The following KCNMA1 variants were observed in gnomAD, a reference collection of about 807,000 sequenced individuals.
The protein encoded by KCNMA1 is potassium calcium-activated channel subfamily M alpha 1.
In KCNMA1, 29 loss-of-function variants were observed where a neutral mutation model predicts 140.0. The observed-to-expected ratio is 0.21, with a 90% CI of 0.15 to 0.28. KCNMA1 has a LOEUF of 0.28. KCNMA1 is among the 10% of genes least tolerant of loss of function. The pLI, the probability that KCNMA1 is intolerant of heterozygous loss-of-function variation, is 1.00. For synonymous variants in KCNMA1, 612 were observed against 611.9 expected (o/e 1.00, Z 0.00); for missense variants, 880 against 1,602.2 (o/e 0.55, Z 7.70).
intron 6 of KCNMA1, among the ~76,000 whole-genome samples, chr10:77,120,054 A>G (rs1317173364): frequency 1.3e-5 from 2 of 152,226 alleles, no homozygotes; most frequent in African/African-American, 2.4e-5. Flanking sequence ...AACTACAGAT[A>G]TATTAATTAC....
intron 5 of KCNMA1, among the ~76,000 whole-genome samples, chr10:77,160,592 C>T (rs893418648): frequency 2.6e-5 from 4 of 152,226 alleles, no homozygotes; most frequent in Non-Finnish European, 5.9e-5. Flanking sequence ...CTAAGTCTAG[C>T]CCAGGCTATG....
chr10:77,177,996 A>C (rs1262207442), intron 5 of KCNMA1, among the ~76,000 whole-genome samples: 1 of 149,928 alleles, frequency 6.7e-6, no homozygotes, highest in Non-Finnish European at 1.5e-5. Context: ...TTCTGACACA[A>C]AAAAAGGACT....
intron 5 of KCNMA1, among the ~76,000 whole-genome samples, chr10:77,123,462 G>A (rs1194319281): frequency 2.0e-5 from 3 of 152,168 alleles, no homozygotes. Context: ...AGACTCTACT[G>A]CTGGTCCTAA....
chr10:77,410,212 G>A (rs991668704), intron 1 of KCNMA1, among the ~76,000 whole-genome samples: 8 of 152,182 alleles, frequency 5.3e-5, no homozygotes, highest in Non-Finnish European at 1.2e-4. Flanking sequence ...CTCAGCAGGT[G>A]ACCTGTCATG....
chr10:76,982,839 G>C (rs2079977743), intron 19 of KCNMA1, among the ~76,000 whole-genome samples: 1 of 152,198 alleles, frequency 6.6e-6, no homozygotes, highest in Non-Finnish European at 1.5e-5. Flanking sequence ...ACACATTCAT[G>C]CATGGAAATA....
At chr10:76,994,995 C>T (rs906789934) in intron 19 of KCNMA1, among the ~76,000 whole-genome samples, 1 of 152,184 alleles carries the variant, frequency 6.6e-6, no homozygotes, top group Non-Finnish European at 1.5e-5. Context: ...CACTGCCCCA[C>T]AAGCCTCTCT....
chr10:77,237,709 G>A (rs369845403), intron 3 of KCNMA1, among the ~76,000 whole-genome samples: 5 of 152,042 alleles, frequency 3.3e-5, no homozygotes, highest in African/African-American at 7.2e-5. Flanking sequence ...TACCTCATGT[G>A]AGCCACCCTG....
At chr10:77,251,338 T>C in intron 2 of KCNMA1, 82 bp from the exon 3 acceptor site, 1 of 1,056,402 alleles carries the variant, frequency 9.5e-7, no homozygotes. Context: ...CGAAGCAGCT[T>C]TGAAATACGG....
At chr10:77,631,105 CCAAAAAAAAA>C (rs796303692) in intron 1 of KCNMA1, among the ~76,000 whole-genome samples, 5,414 of 90,532 alleles carry the variant, frequency 0.06, 417 homozygotes, top group African/African-American at 0.21. Context: ...AGACCCTGTC[CCAAAAAAAAA>C]AAAAAAAAAA....
chr10:77,032,103 C>G (rs2093976869), intron 15 of KCNMA1, among the ~76,000 whole-genome samples: 1 of 152,106 alleles, frequency 6.6e-6, no homozygotes. Flanking sequence ...TTTTTGCCTT[C>G]AATCCACAAT....
At chr10:77,243,205 C>CACACCAT (rs1205179984) in intron 3 of KCNMA1, among the ~76,000 whole-genome samples, 1 of 151,904 alleles carries the variant, frequency 6.6e-6, no homozygotes, top group African/African-American at 2.4e-5. Flanking sequence ...CCACACACCA[C>CACACCAT]ACCACACCCC....
At chr10:76,961,848 T>C (rs577214306) in intron 20 of KCNMA1, among the ~76,000 whole-genome samples, 1 of 152,290 alleles carries the variant, frequency 6.6e-6, no homozygotes, top group South Asian at 2.1e-4. Flanking sequence ...TACAGAAGAG[T>C]GTAAACCTAA....
chr10:76,898,274 T>C (rs966285006), intron 25 of KCNMA1, among the ~76,000 whole-genome samples: 1 of 151,930 alleles, frequency 6.6e-6, no homozygotes, highest in Non-Finnish European at 1.5e-5. Context: ...GTTAATTTTA[T>C]ATTCATAGTT....
intron 1 of KCNMA1, 112 bp from the exon 2 acceptor site, chr10:77,404,135 G>T: frequency 1.0e-6 from 1 of 983,546 alleles, no homozygotes. Context: ...ATGGAAACTA[G>T]CTTAAAGGTA....
At chr10:77,447,643 C>A (rs1027608650) in intron 1 of KCNMA1, among the ~76,000 whole-genome samples, 1 of 152,184 alleles carries the variant, frequency 6.6e-6, no homozygotes. Context: ...AATCACACAG[C>A]ATGCTGGCTC....
At chr10:77,530,640 C>T (rs1156553360) in intron 1 of KCNMA1, among the ~76,000 whole-genome samples, 2 of 152,176 alleles carry the variant, frequency 1.3e-5, no homozygotes, top group Non-Finnish European at 2.9e-5. Context: ...CCAAACATTC[C>T]TTGTACCAGG....
chr10:76,922,557 C>A (rs1005993051), intron 23 of KCNMA1, among the ~76,000 whole-genome samples: 4 of 152,114 alleles, frequency 2.6e-5, no homozygotes, highest in African/African-American at 7.2e-5. Context: ...TCCGTATTCT[C>A]CCCAGGACAT....
chr10:77,013,266 T>C (rs978448955), intron 17 of KCNMA1, among the ~76,000 whole-genome samples: 2 of 152,186 alleles, frequency 1.3e-5, no homozygotes, highest in African/African-American at 4.8e-5. Flanking sequence ...GGACTCAGTG[T>C]CCTCATCTGT....
At chr10:77,004,213 CCACACACA>C (rs35789536) in intron 18 of KCNMA1, among the ~76,000 whole-genome samples, 275 of 144,456 alleles carry the variant, frequency 1.9e-3, no homozygotes, top group African/African-American at 5.0e-3. Context: ...ACAAGTGCCA[CCACACACA>C]CACACACACA....
Sources: gnomAD v4.1 joint callset for allele counts (sites outside exome capture counted in the v4.1 genomes callset) on GRCh38, gnomAD v4.1.1 for gene constraint, MANE v1.5 for transcripts, NCBI Gene and HGNC (gene_info 2026-07-23, HGNC 2026-07-21) for gene names.